Variants in PCNX3 observed in about 807,000 individuals in gnomAD.
PCNX3 encodes the protein pecanex 3.
PCNX3 carries 58 observed loss-of-function variants against 207.2 expected under a neutral mutation model. The ratio of observed to expected loss-of-function variants is 0.28; its 90% CI spans 0.23 to 0.35. PCNX3 has a LOEUF of 0.35. Ranked by LOEUF, PCNX3 falls within the 10% of genes least tolerant of loss-of-function variation. The pLI, the probability that PCNX3 is intolerant of heterozygous loss-of-function variation, is 1.00. For synonymous variants in PCNX3, 1,337 were observed against 1,183.5 expected (o/e 1.13, Z -2.66); for missense variants, 2,410 against 2,774.4 (o/e 0.87, Z 2.95).
Position 65,636,701 on chromosome 11 carries a change from G to A in PCNX3, c.5892+12G>A. On this transcript the variant is annotated intron_variant, in intron 34 of 34. Coordinates refer to ENST00000355703, the MANE Select transcript of PCNX3 (RefSeq NM_032223.4). ...CCCCCAAATCTCAGGTAAGGCACCT[G>A]TGGGAGGGTTGGGTCCCAGAAGGCT... is the stretch of plus-strand genomic sequence containing the variant. 1 of 1,569,438 alleles carries A rather than the reference G, an allele frequency of 6.4e-7. No homozygotes were observed. Among genetic ancestry groups the A allele is most frequent in the Non-Finnish European group, 8.6e-7 (1 of 1,159,426 alleles).
At chr11:65,623,372 C>T (rs768801083) in intron 11 of PCNX3, 119 bp from the exon 12 acceptor site, 7 of 1,325,894 alleles carry the variant, frequency 5.3e-6, no homozygotes, top group African/African-American at 1.5e-5. Flanking sequence ...CTTCAGAGGA[C>T]AAGGGTCTGG....
rs1263962900 is a variant in PCNX3, at chr11:65,624,270, G to A, written c.2620G>A (p.Ala874Thr). The A allele has an allele frequency of 5.0e-6, 8 of 1,600,448 alleles. No homozygotes were observed. The South Asian group carries it at 6.7e-5, about 13-fold the overall frequency. Residue 874 changes from alanine to threonine, a missense_variant, in exon 14 of 35, where the codon GCC (alanine) becomes ACC (threonine). By Grantham distance (58) the Ala-to-Thr change is moderately conservative. Coordinates refer to ENST00000355703, the MANE Select transcript of PCNX3 (RefSeq NM_032223.4). Reference protein sequence around the residue: ...ICCLLIWLLDALGSAQPFPPV... With the variant: ...ICCLLIWLLDTLGSAQPFPPV... ...CTGTCTGCTCATCTGGCTGCTGGAC[G>A]CCCTGGGCTCAGCTCAGCCCTTCCC...
At position 65,622,245 on chromosome 11, in the gene PCNX3, G is replaced by T; in HGVS notation, c.2236G>T (p.Glu746Ter). 6.2e-7 allele frequency: 1 copy of T among 1,603,970 alleles called. No individual in the cohort carries two copies. Among genetic ancestry groups the T allele is most frequent in the South Asian group, 1.1e-5 (1 of 89,178 alleles). The change falls in exon 11 of 35, where the codon GAG becomes TAG. Residue 746 changes from glutamate (E) to a stop codon, truncating the protein, a stop_gained and splice_region_variant. Coordinates refer to ENST00000355703, the MANE Select transcript of PCNX3 (RefSeq NM_032223.4). LOFTEE classifies it high-confidence loss of function. The stretch of plus-strand genomic sequence containing the variant: ...CCAGGACTCCCTGCACGAATCCCAG[G>T]AGCAGACACTGATGGAAGAAGCGCC... ...VRRVPLEIPE[E>*]QTLMEEAPPR...
At chr11:65,622,123 A>T (rs545573686) in intron 10 of PCNX3, 122 bp from the exon 11 acceptor site, 15 of 1,434,018 alleles carry the variant, frequency 1.0e-5, no homozygotes, top group Non-Finnish European at 1.1e-5. Flanking sequence ...GAAATGGTCA[A>T]CCAGACCGGT....
At position 65,616,413 on chromosome 11, in the gene PCNX3, C is replaced by T. The variant is rs147443684; in HGVS notation, c.102C>T (p.Phe34=). 2.6e-4 allele frequency: 425 copies of T among 1,610,648 alleles called. 1 individual carries two copies. In the East Asian group the frequency reaches 7.5e-3, roughly 28 times the overall value. The change falls in exon 1 of 35, where the codon TTC becomes TTT. Residue 34 remains phenylalanine (F), a synonymous_variant. Coordinates refer to ENST00000355703, the MANE Select transcript of PCNX3 (RefSeq NM_032223.4). ...ACCAGAGCACCTTCTCCAACTGCTT[C>T]CACCTCTATGTCTGGATCTTCCTGC... The part of the protein sequence containing the change: ...DPHQSTFSNC[F]HLYVWIFLLI...
In PCNX3 at chr11:65,628,588, C is replaced by G; in HGVS notation, c.3703-7C>G. On this transcript the variant is annotated splice_polypyrimidine_tract_variant and splice_region_variant and intron_variant, in intron 22 of 34. Coordinates refer to ENST00000355703, the MANE Select transcript of PCNX3 (RefSeq NM_032223.4). ...GTCTTTTTTCTTCTCCCTGTTGGCC[C>G]TGCCAGCTGTGGGACTTGCTGTACA... 1.2e-6 allele frequency: 2 copies of G among 1,612,806 alleles called. No individual in the cohort carries two copies. The highest frequency in any genetic ancestry group is 2.2e-5 in the South Asian group (2 of 91,076).
chr11:65,629,000 T>G (rs1590895369), intron 24 of PCNX3, 52 bp downstream of exon 24: 2 of 1,595,802 alleles, frequency 1.3e-6, no homozygotes, highest in Middle Eastern at 1.7e-4. Flanking sequence ...AAGGGAGAGG[T>G]TTGGAGCCCA....
At position 65,634,653 on chromosome 11, in the gene PCNX3, G is replaced by T; in HGVS notation, c.4805+12G>T. 1 of 1,559,630 alleles carries T rather than the reference G, an allele frequency of 6.4e-7. No homozygotes were observed. Among genetic ancestry groups the T allele is most frequent in the South Asian group, 1.2e-5 (1 of 85,492 alleles). On this transcript the variant is annotated intron_variant, in intron 29 of 34. Transcript: ENST00000355703. Reference sequence around the variant, plus strand: ...AGCATGTCTGCAAGGTGAGTGCTCGGGTGTCCCGCGGGGCCTACTGCCGTC... The same window carrying T: ...AGCATGTCTGCAAGGTGAGTGCTCGTGTGTCCCGCGGGGCCTACTGCCGTC...
intron 21 of PCNX3, 32 bp from the exon 22 acceptor site, chr11:65,627,373 C>T (rs761236919): frequency 1.3e-6 from 2 of 1,597,730 alleles, no homozygotes; most frequent in South Asian, 1.1e-5. Flanking sequence ...CGGTCCCCTA[C>T]CAAGCACCCG....
In PCNX3 at chr11:65,626,053, C is replaced by G. The variant is rs199564510; in HGVS notation, c.3378C>G (p.Arg1126=). The change falls in exon 20 of 35, where the codon CGC becomes CGG. Residue 1126 remains arginine (R), a splice_region_variant and synonymous_variant. Transcript: ENST00000355703. ...TGGAGTACAGCCAGTATGAAGTGCGCGGTGAGTGCCCACCCCTGATGGCCA... is the reference window on the plus strand; with the variant it reads ...TGGAGTACAGCCAGTATGAAGTGCGGGGTGAGTGCCCACCCCTGATGGCCA... ...KPLEYSQYEV[R]GAAQVMWFEK... The G allele has an allele frequency of 1.2e-6, 2 of 1,600,048 alleles. No individual in the cohort carries two copies. Among genetic ancestry groups the G allele is most frequent in the South Asian group, 2.2e-5 (2 of 89,202 alleles).
intron 27 of PCNX3, among the ~76,000 whole-genome samples, chr11:65,631,174 CTGGGGG>C (rs1855603341): frequency 6.9e-6 from 1 of 144,198 alleles, no homozygotes; most frequent in South Asian, 2.1e-4. Flanking sequence ...CTGCCTTAGC[CTGGGGG>C]CTCTGAGCCA....
intron 26 of PCNX3, among the ~76,000 whole-genome samples, chr11:65,629,950 T>C (rs1454539882): frequency 6.6e-6 from 1 of 152,196 alleles, no homozygotes; most frequent in Non-Finnish European, 1.5e-5. Flanking sequence ...GCCCCAACTT[T>C]AGGTCCCAGT....
Position 65,630,530 on chromosome 11 carries a change from A to G in PCNX3, c.4396A>G (p.Ile1466Val), listed in dbSNP as rs1855576055. ...CAAGTACGTGCTGGAGGGCTATAGC[A>G]TTAGTGACAATAATGCTGCCTCCAT... Reference protein sequence around the residue: ...ASKYVLEGYSISDNNAASMLQ... With the variant: ...ASKYVLEGYSVSDNNAASMLQ... The change falls in exon 27 of 35, where the codon ATT becomes GTT. Residue 1466 changes from isoleucine (I) to valine (V), a missense_variant. Around this residue, in one of 8 missense-constraint regions of PCNX3, gnomAD observed 420 missense variants for 705.3 expected, o/e 0.60. Transcript: ENST00000355703. The G allele has an allele frequency of 1.2e-6, 2 of 1,613,620 alleles. No homozygotes were observed. The highest frequency in any genetic ancestry group is 8.5e-7 in the Non-Finnish European group (1 of 1,179,858).
rs770691601 is a variant in PCNX3, at chr11:65,635,523, T to C, written c.5185-6T>C. On this transcript the variant is annotated splice_polypyrimidine_tract_variant and splice_region_variant and intron_variant, in intron 31 of 34. Coordinates refer to ENST00000355703, the MANE Select transcript of PCNX3 (RefSeq NM_032223.4). This position sits in a 1 kb window ranked among gnomAD's most constrained non-coding sequence, Gnocchi z 9.9. The stretch of plus-strand genomic sequence containing the variant: ...CGGCCCCCTGACCCTGGCGTGTGGC[T>C]CTCAGGTGAACCGGGAGTGCGTGCG... The C allele has an allele frequency of 1.2e-6, 2 of 1,609,702 alleles. No homozygotes were observed. The highest frequency in any genetic ancestry group is 1.7e-5 in the Admixed American group (1 of 59,922).
chr11:65,629,874 C>T (rs1009223621), intron 26 of PCNX3, 139 bp downstream of exon 26: 1 of 918,978 alleles, frequency 1.1e-6, no homozygotes, highest in Non-Finnish European at 1.7e-6. Context: ...CACTCCTCCT[C>T]CCTGGGCCTG....
In PCNX3 at chr11:65,635,004, C is replaced by T. The variant is rs1323137126; in HGVS notation, c.4837C>T (p.Leu1613=). Residue 1613 remains leucine, a synonymous_variant, in exon 30 of 35, where the codon CTG becomes TTG. Transcript: ENST00000355703. This position sits in a 1 kb window ranked among gnomAD's most constrained non-coding sequence, Gnocchi z 9.9. ...LEPFLYGLHA[L]FKGDFRITSP... ...GCCCTTCCTCTACGGCCTGCACGCC[C>T]TGTTCAAGGGGGATTTTCGCATCAC... 4 of 1,613,790 alleles carry T rather than the reference C, an allele frequency of 2.5e-6. No homozygotes were observed. The East Asian group carries it at 8.9e-5, about 36-fold the overall frequency.
chr11:65,635,511 C>T lies in PCNX3; in HGVS notation c.5185-18C>T. ...ACCCCCTTGGGCCGGCCCCCTGACCCTGGCGTGTGGCTCTCAGGTGAACCG... is the reference window on the plus strand; with the variant it reads ...ACCCCCTTGGGCCGGCCCCCTGACCTTGGCGTGTGGCTCTCAGGTGAACCG... On this transcript the variant is annotated intron_variant, in intron 31 of 34. Transcript: ENST00000355703. The surrounding 1 kb of genome is among the most constrained non-coding windows in gnomAD (Gnocchi z 9.9). The T allele has an allele frequency of 6.2e-7, 1 of 1,608,702 alleles. No homozygotes were observed. The highest frequency in any genetic ancestry group is 2.2e-5 in the East Asian group (1 of 44,846).
Position 65,619,863 on chromosome 11 carries a change from A to G in PCNX3, c.1939A>G (p.Asn647Asp). Residue 647 changes from asparagine to aspartate, a missense_variant, in exon 8 of 35, where the codon AAT (asparagine) becomes GAT (aspartate). Asn to Asp is a conservative substitution (Grantham distance 23). Transcript: ENST00000355703. The part of the protein sequence containing the change: ...SSLLLTRAGA[N>D]VHEACTFDDT... Reference sequence around the variant, plus strand: ...ACTGTTGCTCACCCGGGCCGGTGCCAATGTGCATGAGGCCTGCACCTTTGA... The same window carrying G: ...ACTGTTGCTCACCCGGGCCGGTGCCGATGTGCATGAGGCCTGCACCTTTGA... 1 of 1,611,136 alleles carries G rather than the reference A, an allele frequency of 6.2e-7. No homozygotes were observed. Among genetic ancestry groups the G allele is most frequent in the East Asian group, 2.2e-5 (1 of 44,872 alleles).
rs192754314 is a variant in PCNX3 at position 65,625,419 on chromosome 11, G to A, written c.3044G>A (p.Ser1015Asn). Reference protein sequence around the residue: ...DPTVLWSLIRSKLFPELEERS... With the variant: ...DPTVLWSLIRNKLFPELEERS... Reference sequence around the variant, plus strand: ...CTCACCCCCAGGTCTCTGATCCGGAGCAAGCTGTTCCCTGAGCTGGAGGAG... The same window carrying A: ...CTCACCCCCAGGTCTCTGATCCGGAACAAGCTGTTCCCTGAGCTGGAGGAG... Residue 1015 changes from serine to asparagine, a missense_variant, in exon 18 of 35, where the codon AGC (serine) becomes AAC (asparagine). Ser to Asn is a conservative substitution (Grantham distance 46). Transcript: ENST00000355703. This position sits in a 1 kb window ranked among gnomAD's most constrained non-coding sequence, Gnocchi z 5.6. The A allele has an allele frequency of 1.2e-5, 19 of 1,604,902 alleles. No individual in the cohort carries two copies. Among genetic ancestry groups the A allele is most frequent in the Non-Finnish European group, 1.6e-5 (19 of 1,179,006 alleles).
Sources: gnomAD v4.1 joint callset for allele counts (sites outside exome capture counted in the v4.1 genomes callset) on GRCh38, gnomAD v4.1.1 for gene constraint, gnomAD v4.1.1 regional missense constraint, Gnocchi (gnomAD v3.1) non-coding constraint, MANE v1.5 for transcripts, NCBI Gene and HGNC (gene_info 2026-07-23, HGNC 2026-07-21) for gene names.